Variants in ZC3H12B observed in about 807,000 individuals in gnomAD.
The protein encoded by ZC3H12B is zinc finger CCCH-type containing 12B.
Under a neutral mutation model 43.9 loss-of-function variants are expected in ZC3H12B, and 7 were observed. The observed-to-expected ratio is 0.16, with a 90% confidence interval of 0.09 to 0.30. The LOEUF (loss-of-function observed/expected upper bound fraction) is 0.30. Ranked by LOEUF, ZC3H12B falls within the 10% of genes least tolerant of loss-of-function variation. The pLI, the probability that ZC3H12B is intolerant of heterozygous loss-of-function variation, is 1.00. For missense variants in ZC3H12B, 475 were observed against 670.2 expected, an observed-to-expected ratio of 0.71 and a Z score of 3.22; for synonymous variants, 222 against 241.7, an observed-to-expected ratio of 0.92 and a Z score of 0.76.
chrX:65,339,853 G>A, the ZC3H12B span, among the ~76,000 whole-genome samples: 2 of 111,966 alleles, frequency 1.8e-5, no homozygotes, highest in African/African-American at 6.5e-5. Flanking sequence ...GCTTCCCCCA[G>A]GCCCACGGCC....
chrX:65,243,770 A>G, the ZC3H12B span, among the ~76,000 whole-genome samples: 8 of 111,950 alleles, frequency 7.1e-5, no homozygotes, highest in Non-Finnish European at 1.5e-4. Flanking sequence ...AAAAATACAC[A>G]ATGGAATATT....
chrX:65,230,083 CACGTA>C, the ZC3H12B span, among the ~76,000 whole-genome samples: 1 of 111,026 alleles, frequency 9.0e-6, no homozygotes, highest in Non-Finnish European at 1.9e-5. Context: ...GACACATGCA[CACGTA>C]TGTTTATTGC....
At chrX:65,109,829 G>T in the ZC3H12B span, among the ~76,000 whole-genome samples, 313 of 110,719 alleles carry the variant, frequency 2.8e-3, 3 homozygotes, top group African/African-American at 9.9e-3. Flanking sequence ...ATGTATAAGG[G>T]TTCTAATTTC....
chrX:65,460,788 C>G (rs1053844943), intron 3 of ZC3H12B, among the ~76,000 whole-genome samples: 2 of 111,645 alleles, frequency 1.8e-5, no homozygotes, highest in Non-Finnish European at 3.8e-5. Context: ...CCATTCAGGA[C>G]ATAGGCATGG....
At chrX:65,148,567 G>A in the ZC3H12B span, among the ~76,000 whole-genome samples, 4 of 111,138 alleles carry the variant, frequency 3.6e-5, no homozygotes, top group Middle Eastern at 4.7e-3. Context: ...AGCCTGCACA[G>A]CACTGGGCTT....
upstream of ZC3H12B, among the ~76,000 whole-genome samples, chrX:65,363,428 G>A (rs752953239): frequency 9.9e-5 from 11 of 111,628 alleles, no homozygotes; most frequent in African/African-American, 3.3e-4. Flanking sequence ...GGCATGGTTG[G>A]ATACTTTCAC....
intron 3 of ZC3H12B, among the ~76,000 whole-genome samples, chrX:65,420,187 G>A (rs1320774787): frequency 8.9e-6 from 1 of 111,877 alleles, no homozygotes; most frequent in Non-Finnish European, 1.9e-5. Flanking sequence ...TGCCCTGGCA[G>A]ACCCAAAGCC....
the ZC3H12B span, among the ~76,000 whole-genome samples, chrX:65,205,513 A>C: frequency 8.9e-6 from 1 of 111,806 alleles, no homozygotes; most frequent in African/African-American, 3.2e-5. Context: ...AAATCAGCAT[A>C]GAATAGACAT....
chrX:65,284,027 A>G, the ZC3H12B span, among the ~76,000 whole-genome samples: 2 of 111,273 alleles, frequency 1.8e-5, no homozygotes, highest in African/African-American at 3.3e-5. Flanking sequence ...GATCCCCAGC[A>G]GGACTGAGGA....
chrX:65,265,638 G>GT, the ZC3H12B span, among the ~76,000 whole-genome samples: 122 of 111,921 alleles, frequency 1.1e-3, no homozygotes, highest in African/African-American at 3.6e-3. Flanking sequence ...ATTTCTTCCA[G>GT]TTTTTTTAAC....
At chrX:65,233,055 A>G in the ZC3H12B span, among the ~76,000 whole-genome samples, 1 of 112,143 alleles carries the variant, frequency 8.9e-6, no homozygotes, top group Non-Finnish European at 1.9e-5. Flanking sequence ...AACAATTGTA[A>G]ATATTTATGT....
intron 3 of ZC3H12B, among the ~76,000 whole-genome samples, chrX:65,465,900 G>A (rs1480789404): frequency 9.2e-6 from 1 of 108,430 alleles, no homozygotes; most frequent in Non-Finnish European, 1.9e-5. Context: ...ATATTTTTTT[G>A]ATATAATATA....
chrX:65,054,772 G>C, the ZC3H12B span, among the ~76,000 whole-genome samples: 2 of 111,264 alleles, frequency 1.8e-5, no homozygotes, highest in Non-Finnish European at 3.8e-5. Flanking sequence ...TTGAGCAGTG[G>C]TTAGTAGTTC....
intron 3 of ZC3H12B, among the ~76,000 whole-genome samples, chrX:65,479,844 G>A (rs971341295): frequency 1.8e-5 from 2 of 112,556 alleles, no homozygotes; most frequent in Non-Finnish European, 3.8e-5. Context: ...GTGGGAGCGG[G>A]CCAGAGCATA....
At chrX:65,060,493 G>A in the ZC3H12B span, among the ~76,000 whole-genome samples, 2 of 112,119 alleles carry the variant, frequency 1.8e-5, no homozygotes, top group African/African-American at 6.5e-5. Context: ...TTGATACGAT[G>A]TATTGCACTG....
At chrX:65,501,156 T>C (rs1202024895) in intron 4 of ZC3H12B, among the ~76,000 whole-genome samples, 1 of 111,446 alleles carries the variant, frequency 9.0e-6, no homozygotes, top group Non-Finnish European at 1.9e-5. Context: ...TGCTGCTTTC[T>C]GTTACTCTAT....
chrX:65,200,002 T>A, the ZC3H12B span, among the ~76,000 whole-genome samples: 2 of 111,361 alleles, frequency 1.8e-5, no homozygotes, highest in Middle Eastern at 9.3e-3. Context: ...CAAATGATAT[T>A]TCTGCCTCTA....
chrX:65,421,606 C>T (rs1340721854), intron 3 of ZC3H12B, among the ~76,000 whole-genome samples: 2 of 112,349 alleles, frequency 1.8e-5, no homozygotes, highest in Non-Finnish European at 3.8e-5. Context: ...GCCTTGTCTC[C>T]ACAATCATGG....
At chrX:65,270,725 A>T in the ZC3H12B span, among the ~76,000 whole-genome samples, 1 of 112,316 alleles carries the variant, frequency 8.9e-6, no homozygotes, top group African/African-American at 3.2e-5. Context: ...AAATATTAAA[A>T]AATACAAAAC....
Sources: gnomAD v4.1 joint callset for allele counts (sites outside exome capture counted in the v4.1 genomes callset) on GRCh38, gnomAD v4.1.1 for gene constraint, MANE v1.5 for transcripts, NCBI Gene and HGNC (gene_info 2026-07-23, HGNC 2026-07-21) for gene names.